The following FGF12 variants were observed in gnomAD, a reference collection of about 807,000 sequenced individuals.
FGF12 encodes fibroblast growth factor 12B.
Under a neutral mutation model 23.6 loss-of-function variants are expected in FGF12, and 14 were observed. That is an observed-to-expected ratio of 0.59 (90% CI 0.39 to 0.93). The LOEUF (loss-of-function observed/expected upper bound fraction) is 0.93. Ranked by LOEUF, FGF12 falls within the 40% of genes least tolerant of loss-of-function variation. The pLI, the probability that FGF12 is intolerant of heterozygous loss-of-function variation, is 0.00. For synonymous variants in FGF12, 62 were observed against 77.3 expected, an observed-to-expected ratio of 0.80 and a Z score of 1.04; for missense variants, 175 against 217.8, an observed-to-expected ratio of 0.80 and a Z score of 1.24.
chr3:192,315,614 C>CT (rs566107768), intron 4 of FGF12, among the ~76,000 whole-genome samples: 73 of 152,172 alleles, frequency 4.8e-4, no homozygotes, highest in African/African-American at 1.6e-3. Context: ...GTAGCCAATA[C>CT]TTTTTTAGGA....
chr3:192,212,363 C>T (rs922990289), intron 4 of FGF12, among the ~76,000 whole-genome samples: 3 of 151,458 alleles, frequency 2.0e-5, no homozygotes, highest in Admixed American at 6.6e-5. Context: ...TCCCATAAAA[C>T]GTCAACTCTG....
chr3:192,243,156 A>G (rs1719709355), intron 4 of FGF12, among the ~76,000 whole-genome samples: 1 of 152,100 alleles, frequency 6.6e-6, no homozygotes. Context: ...TAAAGATGTT[A>G]ACCTTAAATA....
chr3:192,695,960 A>T (rs1490025891), intron 2 of FGF12, among the ~76,000 whole-genome samples: 1 of 152,130 alleles, frequency 6.6e-6, no homozygotes, highest in Non-Finnish European at 1.5e-5. Context: ...TTAGCCAGTC[A>T]TGGTGGCATG....
chr3:192,669,637 G>C (rs1394866455), intron 2 of FGF12, among the ~76,000 whole-genome samples: 2 of 132,590 alleles, frequency 1.5e-5, no homozygotes, highest in African/African-American at 2.7e-5. Flanking sequence ...AAAAAAATTG[G>C]TGTGATCCAG....
chr3:192,694,040 T>G (rs1042153948), intron 2 of FGF12, among the ~76,000 whole-genome samples: 1 of 152,128 alleles, frequency 6.6e-6, no homozygotes, highest in East Asian at 1.9e-4. Context: ...TATAAGGAAC[T>G]CACAACTCAA....
chr3:192,466,431 C>T (rs1013000610), intron 2 of FGF12, among the ~76,000 whole-genome samples: 14 of 152,056 alleles, frequency 9.2e-5, no homozygotes, highest in African/African-American at 3.4e-4. Flanking sequence ...GTAATAAATT[C>T]ACACATATGC....
Position 192,340,967 on chromosome 3 carries a change from A to T in FGF12, c.125-5503T>A, listed in dbSNP as rs570564252. On this transcript the variant is annotated intron_variant, in intron 3 of 5. Coordinates refer to ENST00000445105, the MANE Select transcript of FGF12 (RefSeq NM_004113.6). Reference sequence around the variant, plus strand: ...GCAAAAACTAGACAAGTGGGATTACATTAAACTAAAAAGCTTCTGCAGAGC... The same window carrying T: ...GCAAAAACTAGACAAGTGGGATTACTTTAAACTAAAAAGCTTCTGCAGAGC... Among the ~76,000 whole-genome samples the T allele has an allele frequency of 2.7e-4, 41 of 152,354 alleles. No homozygotes were observed. The South Asian group carries it at 8.3e-3, about 31-fold the overall frequency.
intron 2 of FGF12, among the ~76,000 whole-genome samples, chr3:192,371,876 C>G (rs1238435787): frequency 2.0e-5 from 3 of 152,118 alleles, no homozygotes; most frequent in Admixed American, 1.3e-4. Context: ...CATCAGTTGT[C>G]TTTTGAAGAA....
chr3:192,158,623 TTTCTC>T (rs1414057889), intron 5 of FGF12, among the ~76,000 whole-genome samples: 22 of 87,864 alleles, frequency 2.5e-4, no homozygotes, highest in Admixed American at 1.2e-3. Flanking sequence ...TCCTTCTTTC[TTTCTC>T]TCTGTTTTTT....
At chr3:192,431,175 C>T (rs904141497) in intron 2 of FGF12, among the ~76,000 whole-genome samples, 8 of 152,122 alleles carry the variant, frequency 5.3e-5, no homozygotes, top group East Asian at 3.9e-4. Context: ...AAGGCAAAAA[C>T]GGCCTTTACC....
intron 4 of FGF12, among the ~76,000 whole-genome samples, chr3:192,312,798 C>A (rs1297700768): frequency 6.6e-6 from 1 of 151,188 alleles, no homozygotes; most frequent in African/African-American, 2.4e-5. Context: ...GTTTCTATAA[C>A]CCTGCTTCTC....
intron 2 of FGF12, among the ~76,000 whole-genome samples, chr3:192,525,939 G>A (rs1231572678): frequency 6.6e-6 from 1 of 151,974 alleles, no homozygotes; most frequent in African/African-American, 2.4e-5. Context: ...CACGCCCAGC[G>A]AATTTTTGCG....
chr3:192,441,140 G>A (rs1401850540), intron 2 of FGF12, among the ~76,000 whole-genome samples: 1 of 152,114 alleles, frequency 6.6e-6, no homozygotes. Context: ...GTAAAACTGG[G>A]CAAATTATTT....
Position 192,454,747 on chromosome 3 carries a change from A to T in FGF12, c.14-94209T>A, listed in dbSNP as rs143273282. On this transcript the variant is annotated intron_variant, in intron 2 of 5. Coordinates refer to ENST00000445105, the MANE Select transcript of FGF12 (RefSeq NM_004113.6). Reference sequence around the variant, plus strand: ...TTAGCGATAATTTCACCAAAAATTTAAAATGATACTGATTGTTAATTACTA... The same window carrying T: ...TTAGCGATAATTTCACCAAAAATTTTAAATGATACTGATTGTTAATTACTA... 9.2e-5 allele frequency among the ~76,000 whole-genome samples: 14 copies of T among 152,314 alleles called. No homozygotes were observed. The East Asian group carries it at 2.5e-3, about 27-fold the overall frequency.
chr3:192,441,003 T>C (rs1722186377), intron 2 of FGF12, among the ~76,000 whole-genome samples: 1 of 152,220 alleles, frequency 6.6e-6, no homozygotes, highest in African/African-American at 2.4e-5. Context: ...ATCTGATAAA[T>C]TAAATACTGT....
chr3:192,293,926 T>C (rs1043434550), intron 4 of FGF12, among the ~76,000 whole-genome samples: 2 of 152,176 alleles, frequency 1.3e-5, no homozygotes, highest in African/African-American at 4.8e-5. Context: ...AGGCTGTCTG[T>C]CTGTGTCCCT....
intron 2 of FGF12, among the ~76,000 whole-genome samples, chr3:192,573,709 T>C (rs1261184317): frequency 6.6e-6 from 1 of 152,170 alleles, no homozygotes; most frequent in African/African-American, 2.4e-5. Flanking sequence ...ACATAATACC[T>C]ATTTTACGAT....
intron 2 of FGF12, among the ~76,000 whole-genome samples, chr3:192,647,961 T>A (rs185903314): frequency 6.6e-6 from 1 of 152,068 alleles, no homozygotes; most frequent in Non-Finnish European, 1.5e-5. Flanking sequence ...ACATCTATTA[T>A]CAAATGTGAT....
intron 2 of FGF12, among the ~76,000 whole-genome samples, chr3:192,698,385 G>C (rs770819192): frequency 6.6e-5 from 10 of 152,102 alleles, no homozygotes; most frequent in Non-Finnish European, 1.3e-4. Flanking sequence ...GTTTATACAG[G>C]CCCTTTCCTA....
Sources: gnomAD v4.1 joint callset for allele counts (sites outside exome capture counted in the v4.1 genomes callset) on GRCh38, gnomAD v4.1.1 for gene constraint, MANE v1.5 for transcripts, NCBI Gene and HGNC (gene_info 2026-07-23, HGNC 2026-07-21) for gene names.